The following NKAIN2 variants were observed in gnomAD, a reference collection of about 807,000 sequenced individuals.
The protein encoded by NKAIN2 is sodium/potassium-transporting ATPase subunit beta-1-interacting protein 2.
In NKAIN2, 14 loss-of-function variants were observed where a neutral mutation model predicts 32.6. The ratio of observed to expected loss-of-function variants is 0.43; its 90% confidence interval spans 0.28 to 0.67. The LOEUF is 0.67. NKAIN2 is among the 30% of genes least tolerant of loss of function. NKAIN2 has a pLI of 0.17. For missense variants in NKAIN2, 198 were observed against 258.3 expected (o/e 0.77, Z 1.60); for synonymous variants, 80 against 87.2 (o/e 0.92, Z 0.46).
At position 124,539,432 on chromosome 6, in the gene NKAIN2, C is replaced by T. The variant is rs1360535651; in HGVS notation, c.274-118754C>T. ...ATTCATTCATACATGTATGCTCTCA[C>T]TTAATTTTAGGATTTTCCTTTTGCA... On this transcript the variant is annotated intron_variant, in intron 3 of 6. Transcript: ENST00000368417. Among the ~76,000 whole-genome samples the T allele has an allele frequency of 2.0e-5, 3 of 151,848 alleles. No individual in the cohort carries two copies. In the East Asian group the frequency reaches 5.8e-4, roughly 29 times the overall value.
chr6:124,668,515 T>C (rs912342682), intron 4 of NKAIN2, among the ~76,000 whole-genome samples: 32 of 152,136 alleles, frequency 2.1e-4, no homozygotes, highest in Non-Finnish European at 2.9e-5. Flanking sequence ...ATAACCTAAT[T>C]GATTTCTTCA....
intron 1 of NKAIN2, among the ~76,000 whole-genome samples, chr6:124,067,760 C>T (rs962507475): frequency 6.6e-6 from 1 of 152,136 alleles, no homozygotes; most frequent in Non-Finnish European, 1.5e-5. Flanking sequence ...CTTGAACGTA[C>T]AAATTCCCCA....
rs1265150731 is a variant in NKAIN2 at position 123,804,081 on chromosome 6, C to G, written c.-120C>G. The G allele has an allele frequency of 7.7e-6, 7 of 903,452 alleles. No individual in the cohort carries two copies. The East Asian group carries it at 9.6e-5, about 12-fold the overall frequency. 56.0% of individuals were successfully genotyped at this position (903,452 alleles called of 1,614,324 possible). A position where few individuals can be genotyped will look rare whatever the true frequency, so the allele number is the denominator to read the frequency against. On this transcript the variant is annotated 5_prime_UTR_variant, in exon 1 of 7. Transcript: ENST00000368417. Reference sequence around the variant, plus strand: ...CCAGGACGCTGGCAGCAGCAGCAGCCCGGAGCCCCCGAGCCCTCGGCAGGT... The same window carrying G: ...CCAGGACGCTGGCAGCAGCAGCAGCGCGGAGCCCCCGAGCCCTCGGCAGGT...
chr6:124,713,753 G>A (rs1775613696), intron 4 of NKAIN2, among the ~76,000 whole-genome samples: 1 of 152,122 alleles, frequency 6.6e-6, no homozygotes, highest in Non-Finnish European at 1.5e-5. Flanking sequence ...CTAGAAATAG[G>A]AGGGTAAAAT....
In NKAIN2 at chr6:124,211,164, A is replaced by C. The variant is rs184331769; in HGVS notation, c.55-71841A>C. ...AATTTTCCTTGTCTCTCCTCCAAAGAAACAGAGCCACTTTAGTAAGAATCC... is the reference window on the plus strand; with the variant it reads ...AATTTTCCTTGTCTCTCCTCCAAAGCAACAGAGCCACTTTAGTAAGAATCC... On this transcript the variant is annotated intron_variant, in intron 1 of 6. Coordinates refer to ENST00000368417, the MANE Select transcript of NKAIN2 (RefSeq NM_001040214.3). 2.6e-5 allele frequency among the ~76,000 whole-genome samples: 4 copies of C among 152,002 alleles called. No individual in the cohort carries two copies. In the South Asian group the frequency reaches 6.2e-4, roughly 24 times the overall value.
chr6:124,077,529 G>A (rs923457827), intron 1 of NKAIN2, among the ~76,000 whole-genome samples: 1 of 151,900 alleles, frequency 6.6e-6, no homozygotes, highest in Non-Finnish European at 1.5e-5. Context: ...CTGATCCCTG[G>A]GTTTAAAAAA....
At chr6:123,866,051 A>G (rs919153233) in intron 1 of NKAIN2, among the ~76,000 whole-genome samples, 6 of 152,194 alleles carry the variant, frequency 3.9e-5, no homozygotes, top group Admixed American at 2.6e-4. Context: ...TTTGGAGTCT[A>G]TCTCCCTAGT....
chr6:124,131,695 G>A (rs898628192), intron 1 of NKAIN2, among the ~76,000 whole-genome samples: 1 of 152,152 alleles, frequency 6.6e-6, no homozygotes, highest in South Asian at 2.1e-4. Context: ...AAAAGTAGTA[G>A]CAGCAGTGGA....
intron 1 of NKAIN2, among the ~76,000 whole-genome samples, chr6:123,808,595 G>A (rs1390857092): frequency 6.6e-6 from 1 of 152,136 alleles, no homozygotes; most frequent in Non-Finnish European, 1.5e-5. Context: ...AAAGCAGGTA[G>A]CGACTTATTT....
chr6:124,086,816 G>A (rs919192191), intron 1 of NKAIN2, among the ~76,000 whole-genome samples: 2 of 151,848 alleles, frequency 1.3e-5, no homozygotes, highest in African/African-American at 4.8e-5. Context: ...GAAAGCACCA[G>A]GCCATGATGG....
chr6:123,833,763 T>A (rs1774489900), intron 1 of NKAIN2, among the ~76,000 whole-genome samples: 1 of 150,584 alleles, frequency 6.6e-6, no homozygotes, highest in African/African-American at 2.4e-5. Context: ...AGTCTCGCTT[T>A]GTTGCCCAGG....
chr6:123,869,043 G>A (rs541351017), intron 1 of NKAIN2, among the ~76,000 whole-genome samples: 34 of 152,230 alleles, frequency 2.2e-4, no homozygotes, highest in South Asian at 1.0e-3. Context: ...TAAAACATCC[G>A]AAGAACTGGA....
At chr6:124,330,457 T>C (rs915602900) in intron 2 of NKAIN2, among the ~76,000 whole-genome samples, 3 of 152,278 alleles carry the variant, frequency 2.0e-5, no homozygotes, top group South Asian at 4.1e-4. Context: ...GAAGCTGGGC[T>C]AGTCTTTCAT....
intron 1 of NKAIN2, among the ~76,000 whole-genome samples, chr6:124,128,796 C>T (rs937367193): frequency 3.9e-5 from 6 of 152,104 alleles, no homozygotes; most frequent in African/African-American, 1.4e-4. Context: ...AATCTTTCTT[C>T]TTGAGGTGTT....
intron 1 of NKAIN2, among the ~76,000 whole-genome samples, chr6:124,254,292 G>A (rs1793824037): frequency 6.6e-6 from 1 of 152,178 alleles, no homozygotes; most frequent in Non-Finnish European, 1.5e-5. Context: ...GCCCAATTGA[G>A]CAAATTATCA....
chr6:124,480,814 A>G (rs1259290448), intron 3 of NKAIN2, among the ~76,000 whole-genome samples: 2 of 152,114 alleles, frequency 1.3e-5, no homozygotes, highest in Non-Finnish European at 2.9e-5. Context: ...GTTTGAAATT[A>G]TTATCTGTAA....
chr6:124,496,308 C>A (rs572410493), intron 3 of NKAIN2, among the ~76,000 whole-genome samples: 14 of 152,236 alleles, frequency 9.2e-5, no homozygotes, highest in African/African-American at 2.9e-4. Flanking sequence ...TGCCTTCCGA[C>A]TGAGTAAAAT....
intron 3 of NKAIN2, among the ~76,000 whole-genome samples, chr6:124,589,679 A>C (rs1781836493): frequency 6.6e-6 from 1 of 152,154 alleles, no homozygotes; most frequent in African/African-American, 2.4e-5. Flanking sequence ...TTTTTATTTT[A>C]CTTTAAGTTC....
chr6:124,704,032 G>A (rs1305056842), intron 4 of NKAIN2, among the ~76,000 whole-genome samples: 1 of 151,886 alleles, frequency 6.6e-6, no homozygotes, highest in African/African-American at 2.4e-5. Context: ...AATCATAATT[G>A]CATGTATACC....
Sources: gnomAD v4.1 joint callset for allele counts (sites outside exome capture counted in the v4.1 genomes callset) on GRCh38, gnomAD v4.1.1 for gene constraint, MANE v1.5 for transcripts, NCBI Gene and HGNC (gene_info 2026-07-23, HGNC 2026-07-21) for gene names.